Variants in OTC observed in about 807,000 individuals in gnomAD.
OTC encodes the protein ornithine transcarbamylase, mitochondrial.
In OTC, 3 loss-of-function variants were observed where a neutral mutation model predicts 30.3. The ratio of observed to expected loss-of-function variants is 0.10; its 90% CI spans 0.05 to 0.26. OTC has a LOEUF of 0.26. OTC is among the 10% of genes least tolerant of loss of function. The pLI is 1.00. For synonymous variants in OTC, 111 were observed against 99.7 expected, an observed-to-expected ratio of 1.11 and a Z score of -0.67; for missense variants, 194 against 260.3, an observed-to-expected ratio of 0.75 and a Z score of 1.75.
chrX:38,352,764 G>A lies in OTC; in HGVS notation c.68G>A (p.Arg23Gln), dbSNP rs148660170. ...AFRNGHNFMV[R>Q]NFRCGQPLQN... The stretch of plus-strand genomic sequence containing the variant: ...AGAAATGGTCACAACTTCATGGTTC[G>A]AAATTTTCGGTAAGTGATGGTCAGA... The change falls in exon 1 of 10, where the codon CGA (arginine) becomes CAA (glutamine). Residue 23 changes from arginine to glutamine, a missense_variant. Transcript: ENST00000039007. The A allele has an allele frequency of 5.9e-6, 7 of 1,195,465 alleles. No individual in the cohort carries two copies. The highest frequency in any genetic ancestry group is 7.9e-6 in the Non-Finnish European group (7 of 881,823).
chrX:38,384,199 A>C (rs1310564770), intron 4 of OTC, among the ~76,000 whole-genome samples: 2 of 111,842 alleles, frequency 1.8e-5, no homozygotes, highest in Admixed American at 9.5e-5. Flanking sequence ...TCAATGTGGG[A>C]GAATTGCAGA....
intron 4 of OTC, among the ~76,000 whole-genome samples, chrX:38,391,852 A>G (rs1201737784): frequency 9.0e-6 from 1 of 111,178 alleles, no homozygotes; most frequent in African/African-American, 3.3e-5. Flanking sequence ...CTTGGGAGAA[A>G]TTTCCTTTCT....
chrX:38,359,412 A>C (rs2068258739), intron 1 of OTC, among the ~76,000 whole-genome samples: 1 of 109,709 alleles, frequency 9.1e-6, no homozygotes. Flanking sequence ...CCTCAACATA[A>C]ATTTTGTCTT....
chrX:38,381,651 C>A (rs2068377667), intron 4 of OTC, among the ~76,000 whole-genome samples: 1 of 111,728 alleles, frequency 9.0e-6, no homozygotes, highest in Non-Finnish European at 1.9e-5. Context: ...AGCTTCTGAT[C>A]ATAAAATTTC....
At chrX:38,334,501 C>T in the OTC span, among the ~76,000 whole-genome samples, 13 of 111,348 alleles carry the variant, frequency 1.2e-4, no homozygotes, top group South Asian at 7.7e-4. Context: ...GCACTAGAGG[C>T]GATCAGCTGG....
intron 9 of OTC, among the ~76,000 whole-genome samples, chrX:38,419,658 G>T (rs188946037): frequency 8.9e-6 from 1 of 111,804 alleles, no homozygotes; most frequent in Non-Finnish European, 1.9e-5. Context: ...AAATGTTACT[G>T]ATTTATGTAT....
chrX:38,340,860 G>A, the OTC span, among the ~76,000 whole-genome samples: 13,801 of 108,845 alleles, frequency 0.13, 1,119 homozygotes, highest in East Asian at 0.6. Context: ...ACAGTGGCAC[G>A]ATCTCGACTC....
In OTC at chrX:38,367,476, T is replaced by A. The variant is rs761634797; in HGVS notation, c.216+47T>A. On this transcript the variant is annotated intron_variant, in intron 2 of 9. Coordinates refer to ENST00000039007, the MANE Select transcript of OTC (RefSeq NM_000531.6). The stretch of plus-strand genomic sequence containing the variant: ...CGTTCCATTACTACCAGTCCCCTTT[T>A]TTTAAAGGCAGCCTTCCCAAAGAAA... 3 of 1,096,150 alleles carry A rather than the reference T, an allele frequency of 2.7e-6. No homozygotes were observed. In the Admixed American group the frequency reaches 6.8e-5, roughly 25 times the overall value. 90.3% of individuals were successfully genotyped at this position (1,096,150 alleles called of 1,213,427 possible).
chrX:38,407,047 G>A (rs1042230842), intron 6 of OTC, among the ~76,000 whole-genome samples: 1 of 112,717 alleles, frequency 8.9e-6, no homozygotes, highest in African/African-American at 3.2e-5. Context: ...TTATTAGCAT[G>A]TGCCCTTGAA....
the OTC span, among the ~76,000 whole-genome samples, chrX:38,338,040 G>A: frequency 8.9e-6 from 1 of 112,117 alleles, no homozygotes; most frequent in Non-Finnish European, 1.9e-5. Flanking sequence ...CATTCATGGG[G>A]TCTTCTAAAT....
chrX:38,377,986 G>A (rs1032198721), intron 3 of OTC, among the ~76,000 whole-genome samples: 5 of 109,026 alleles, frequency 4.6e-5, no homozygotes, highest in Admixed American at 9.9e-5. Context: ...ACAGGCGCCC[G>A]CCACCATGCC....
intron 9 of OTC, among the ~76,000 whole-genome samples, chrX:38,413,328 A>G (rs2068552960): frequency 8.9e-6 from 1 of 112,263 alleles, no homozygotes; most frequent in Non-Finnish European, 1.9e-5. Context: ...CCTCATTATC[A>G]TCATCTTCAC....
intron 3 of OTC, among the ~76,000 whole-genome samples, chrX:38,372,237 C>G (rs1358146826): frequency 9.0e-6 from 1 of 110,845 alleles, no homozygotes; most frequent in African/African-American, 3.3e-5. Context: ...AGACCCTGTG[C>G]CAGGTGTTCT....
intron 9 of OTC, among the ~76,000 whole-genome samples, chrX:38,413,659 A>G (rs2068554411): frequency 1.1e-5 from 1 of 89,414 alleles, no homozygotes; most frequent in African/African-American, 4.8e-5. Flanking sequence ...GAGATTTGGC[A>G]CATCTATTTT....
Position 38,352,755 on chromosome X carries a change from T to C in OTC, c.59T>C (p.Phe20Ser). The C allele has an allele frequency of 8.3e-7, 1 of 1,205,005 alleles. No individual in the cohort carries two copies. The highest frequency in any genetic ancestry group is 1.8e-5 in the South Asian group (1 of 56,845). The part of the protein sequence containing the change: ...NNAAFRNGHN[F>S]MVRNFRCGQP... ...GCAGCTTTTAGAAATGGTCACAACTTCATGGTTCGAAATTTTCGGTAAGTG... is the reference window on the plus strand; with the variant it reads ...GCAGCTTTTAGAAATGGTCACAACTCCATGGTTCGAAATTTTCGGTAAGTG... Residue 20 changes from phenylalanine to serine, a missense_variant, in exon 1 of 10, where the codon TTC becomes TCC. Transcript: ENST00000039007.
At chrX:38,403,362 G>C (rs1005753860) in intron 5 of OTC, among the ~76,000 whole-genome samples, 3 of 111,461 alleles carry the variant, frequency 2.7e-5, no homozygotes, top group African/African-American at 9.8e-5. Context: ...ACTCAGATTT[G>C]AAATGTATGA....
chrX:38,415,916 C>T (rs2068568896), intron 9 of OTC, among the ~76,000 whole-genome samples: 1 of 112,129 alleles, frequency 8.9e-6, no homozygotes, highest in South Asian at 3.7e-4. Context: ...GTTATACTAA[C>T]CAAGTTGTTG....
intron 8 of OTC, among the ~76,000 whole-genome samples, chrX:38,409,641 T>C (rs2068533676): frequency 8.9e-6 from 1 of 112,329 alleles, no homozygotes; most frequent in Admixed American, 9.4e-5. Context: ...TTCTACCAAG[T>C]TCCCAGGTGA....
chrX:38,399,875 C>G (rs1169238607), intron 4 of OTC, among the ~76,000 whole-genome samples: 4 of 111,616 alleles, frequency 3.6e-5, no homozygotes, highest in African/African-American at 1.3e-4. Context: ...TTATTCACTT[C>G]TCATGCTATA....
Sources: gnomAD v4.1 joint callset for allele counts (sites outside exome capture counted in the v4.1 genomes callset) on GRCh38, gnomAD v4.1.1 for gene constraint, MANE v1.5 for transcripts, NCBI Gene and HGNC (gene_info 2026-07-23, HGNC 2026-07-21) for gene names.